The following MLLT3 variants were observed in gnomAD, a reference collection of about 807,000 sequenced individuals.
MLLT3 encodes MLLT3 super elongation complex subunit, also known as protein AF-9.
In MLLT3, 4 loss-of-function variants were observed where a neutral mutation model predicts 53.2. That is an observed-to-expected ratio of 0.08 (90% CI 0.04 to 0.17). The LOEUF is 0.17. Ranked by LOEUF, MLLT3 falls within the 10% of genes least tolerant of loss-of-function variation. The pLI is 1.00. For missense variants in MLLT3, 569 were observed against 684.0 expected (o/e 0.83, Z 1.87); for synonymous variants, 283 against 230.6 (o/e 1.23, Z -2.06).
intron 2 of MLLT3, among the ~76,000 whole-genome samples, chr9:20,487,570 A>G (rs547944202): frequency 1.3e-5 from 2 of 152,272 alleles, no homozygotes; most frequent in South Asian, 2.1e-4. Flanking sequence ...CTTTCTTACA[A>G]CAAGAAAGAT....
chr9:20,378,608 T>C (rs756596726), intron 5 of MLLT3, among the ~76,000 whole-genome samples: 1 of 152,072 alleles, frequency 6.6e-6, no homozygotes, highest in Non-Finnish European at 1.5e-5. Flanking sequence ...AAATTATCTG[T>C]GGCTCTATTT....
At chr9:20,506,992 CTT>C (rs1046332728) in intron 2 of MLLT3, among the ~76,000 whole-genome samples, 15 of 152,172 alleles carry the variant, frequency 9.9e-5, no homozygotes, top group African/African-American at 3.6e-4. Flanking sequence ...AATTAATTCT[CTT>C]TGTTCCAAAT....
chr9:20,353,376 G>T (rs1391241677), intron 10 of MLLT3, 149 bp downstream of exon 10: 10 of 690,828 alleles, frequency 1.4e-5, no homozygotes, highest in African/African-American at 3.6e-5. Flanking sequence ...CCTCAGAAAT[G>T]AGAACCTTTC....
chr9:20,582,756 T>G (rs1819829088), intron 2 of MLLT3, among the ~76,000 whole-genome samples: 1 of 152,120 alleles, frequency 6.6e-6, no homozygotes, highest in Non-Finnish European at 1.5e-5. Flanking sequence ...TTGTGAGACA[T>G]ACTATCGTGA....
rs1184996708 is a variant in MLLT3, at chr9:20,344,138, A to C, written c.*2305T>G. 1.0e-5 allele frequency: 2 copies of C among 195,100 alleles called. No homozygotes were observed. The allele number at this position is 195,100 out of a possible 1,614,324, so 12.1% of individuals were successfully genotyped here. A position where few individuals can be genotyped will look rare whatever the true frequency, so the allele number is the denominator to read the frequency against. On this transcript the variant is annotated 3_prime_UTR_variant, in exon 11 of 11. Coordinates refer to ENST00000380338, the MANE Select transcript of MLLT3 (RefSeq NM_004529.4). ...CTAATTTTCAAGTCTAAAGTTTATCATATAATAGCTGTCCTTCTTATCATT... is the reference window on the plus strand; with the variant it reads ...CTAATTTTCAAGTCTAAAGTTTATCCTATAATAGCTGTCCTTCTTATCATT...
intron 4 of MLLT3, among the ~76,000 whole-genome samples, chr9:20,434,105 G>A (rs531891290): frequency 6.6e-6 from 1 of 152,198 alleles, no homozygotes; most frequent in East Asian, 1.9e-4. Flanking sequence ...TGGTGACAGA[G>A]TGAGACTTCA....
At chr9:20,600,213 C>T (rs1005659606) in intron 2 of MLLT3, among the ~76,000 whole-genome samples, 1 of 151,524 alleles carries the variant, frequency 6.6e-6, no homozygotes, top group African/African-American at 2.4e-5. Context: ...TCTGTTTCCA[C>T]AGCTTCATTT....
At chr9:20,524,744 C>A (rs570656580) in intron 2 of MLLT3, among the ~76,000 whole-genome samples, 3 of 152,278 alleles carry the variant, frequency 2.0e-5, no homozygotes, top group East Asian at 3.9e-4. Context: ...CCCTTCATCC[C>A]AGCCCAGCAA....
rs767396590 is a variant in MLLT3 at position 20,360,818 on chromosome 9, T to A, written c.1355A>T (p.Asp452Val). 2 of 1,613,982 alleles carry A rather than the reference T, an allele frequency of 1.2e-6. No individual in the cohort carries two copies. Among genetic ancestry groups the A allele is most frequent in the Non-Finnish European group, 1.7e-6 (2 of 1,179,894 alleles). Residue 452 changes from aspartate (D) to valine (V), a missense_variant, in exon 8 of 11, where the codon GAT (aspartate) becomes GTT (valine). Coordinates refer to ENST00000380338, the MANE Select transcript of MLLT3 (RefSeq NM_004529.4). ...SRRVSLSDGS[D>V]SESSSASSPL... ...TGAAGAAGCAGAACTGCTTTCACTA[T>A]CGCTGCCATCACTTAAGCTAACTCT...
At chr9:20,349,663 C>G (rs1357423390) in intron 10 of MLLT3, among the ~76,000 whole-genome samples, 3 of 152,140 alleles carry the variant, frequency 2.0e-5, no homozygotes, top group Admixed American at 2.0e-4. Context: ...AAAAAAGCCA[C>G]TTAATTTTAA....
chr9:20,408,669 G>A (rs1277614364), intron 5 of MLLT3, among the ~76,000 whole-genome samples: 1 of 152,114 alleles, frequency 6.6e-6, no homozygotes, highest in East Asian at 1.9e-4. Flanking sequence ...GCTCTTGCAT[G>A]TGCTGGAATT....
At chr9:20,483,065 A>G (rs1824705097) in intron 2 of MLLT3, among the ~76,000 whole-genome samples, 1 of 152,178 alleles carries the variant, frequency 6.6e-6, no homozygotes, top group African/African-American at 2.4e-5. Flanking sequence ...GGTGAAAAAA[A>G]AACAAACTGT....
intron 5 of MLLT3, among the ~76,000 whole-genome samples, 199 bp downstream of exon 5, chr9:20,413,522 C>T (rs930071873): frequency 6.6e-6 from 1 of 152,168 alleles, no homozygotes; most frequent in African/African-American, 2.4e-5. Flanking sequence ...AAATAACAGC[C>T]TAAAATTCTG....
At chr9:20,455,981 C>A (rs1474298646) in intron 3 of MLLT3, among the ~76,000 whole-genome samples, 1 of 150,320 alleles carries the variant, frequency 6.7e-6, no homozygotes, top group Non-Finnish European at 1.5e-5. Context: ...CTCTGTCACC[C>A]AGGCTGGAAT....
intron 2 of MLLT3, among the ~76,000 whole-genome samples, chr9:20,603,056 C>T (rs887987150): frequency 2.0e-5 from 3 of 151,974 alleles, no homozygotes; most frequent in Admixed American, 6.6e-5. Flanking sequence ...ATAAAGACTA[C>T]CTTTGCACCT....
rs552105712 is a variant in MLLT3, at chr9:20,571,336, AC to A, written c.193+49317del. 1.7e-4 allele frequency among the ~76,000 whole-genome samples: 26 copies of A among 152,324 alleles called. No homozygotes were observed. The East Asian group carries it at 4.0e-3, about 24-fold the overall frequency. ...ACACAAACAACACAGTGAAGTGATG[AC>A]CTATTAATAGGAGAAAATATTTGCA... On this transcript the variant is annotated intron_variant, in intron 2 of 10. Coordinates refer to ENST00000380338, the MANE Select transcript of MLLT3 (RefSeq NM_004529.4).
intron 3 of MLLT3, 140 bp downstream of exon 3, chr9:20,456,564 C>T (rs1392073766): frequency 3.2e-6 from 2 of 634,822 alleles, no homozygotes; most frequent in East Asian, 2.9e-5. Flanking sequence ...TAATGATAGC[C>T]AAAATTCCTA....
intron 2 of MLLT3, among the ~76,000 whole-genome samples, chr9:20,576,094 A>C (rs1383104287): frequency 6.6e-6 from 1 of 152,202 alleles, no homozygotes; most frequent in African/African-American, 2.4e-5. Context: ...TTGCTGCTTC[A>C]CCTTGCACTT....
At chr9:20,419,893 A>G (rs1258558192) in intron 4 of MLLT3, among the ~76,000 whole-genome samples, 1 of 152,192 alleles carries the variant, frequency 6.6e-6, no homozygotes, top group Non-Finnish European at 1.5e-5. Context: ...TACAGATTTA[A>G]ATCTAAATGA....
Sources: gnomAD v4.1 joint callset for allele counts (sites outside exome capture counted in the v4.1 genomes callset) on GRCh38, gnomAD v4.1.1 for gene constraint, MANE v1.5 for transcripts, NCBI Gene and HGNC (gene_info 2026-07-23, HGNC 2026-07-21) for gene names.